Variants in ADAM10 observed in about 807,000 individuals in gnomAD.
ADAM10 encodes ADAM metallopeptidase domain 10, also known as disintegrin and metalloproteinase domain-containing protein 10.
A neutral mutation model predicts 90.1 loss-of-function variants in ADAM10; 17 were observed. That is an observed-to-expected ratio of 0.19 (90% CI 0.13 to 0.28). The LOEUF (loss-of-function observed/expected upper bound fraction) is 0.28. Among genes scored for constraint, ADAM10 ranks in the 10% least tolerant of loss-of-function variants. The pLI is 1.00. For synonymous variants in ADAM10, 310 were observed against 298.6 expected (o/e 1.04, Z -0.40); for missense variants, 610 against 914.3 (o/e 0.67, Z 4.29).
At chr15:58,729,343 T>C (rs1899146603) in intron 1 of ADAM10, among the ~76,000 whole-genome samples, 1 of 152,256 alleles carries the variant, frequency 6.6e-6, no homozygotes, top group Non-Finnish European at 1.5e-5. Context: ...GTTCCGTATC[T>C]AGCATTTTAC....
At chr15:58,681,091 G>T (rs1019537293) in intron 3 of ADAM10, among the ~76,000 whole-genome samples, 1 of 152,196 alleles carries the variant, frequency 6.6e-6, no homozygotes, top group Non-Finnish European at 1.5e-5. Flanking sequence ...GATTACAGGT[G>T]TAACTGCTAC....
At chr15:58,707,941 G>C (rs1352042085) in intron 2 of ADAM10, among the ~76,000 whole-genome samples, 1 of 152,040 alleles carries the variant, frequency 6.6e-6, no homozygotes, top group Non-Finnish European at 1.5e-5. Context: ...GCCAGGCGTG[G>C]TGGTGAGCAC....
chr15:58,659,123 AT>A (rs1306213138), intron 5 of ADAM10, among the ~76,000 whole-genome samples: 1 of 152,056 alleles, frequency 6.6e-6, no homozygotes, highest in African/African-American at 2.4e-5. Flanking sequence ...AAATACAAAA[AT>A]TAGGTGGGCG....
At chr15:58,699,904 G>C (rs950162071) in intron 2 of ADAM10, among the ~76,000 whole-genome samples, 2 of 152,138 alleles carry the variant, frequency 1.3e-5, no homozygotes, top group Admixed American at 6.5e-5. Flanking sequence ...AAAAGATAAA[G>C]ATTGGCTAAA....
chr15:58,645,292 C>T (rs538461015), intron 6 of ADAM10, among the ~76,000 whole-genome samples: 60 of 152,300 alleles, frequency 3.9e-4, no homozygotes, highest in African/African-American at 1.4e-3. Context: ...ACAAAATCTC[C>T]TACCTTATTA....
chr15:58,669,772 C>A (rs1897154137), intron 4 of ADAM10, among the ~76,000 whole-genome samples: 1 of 152,142 alleles, frequency 6.6e-6, no homozygotes, highest in African/African-American at 2.4e-5. Context: ...GGTATCCACA[C>A]AACAGACTAC....
intron 1 of ADAM10, among the ~76,000 whole-genome samples, chr15:58,726,601 C>T (rs1427910659): frequency 9.3e-6 from 1 of 107,772 alleles, no homozygotes; most frequent in Non-Finnish European, 1.9e-5. Context: ...AAGTATATTA[C>T]TCCCGAAAAA....
chr15:58,628,887 A>T (rs1330438743), intron 9 of ADAM10, among the ~76,000 whole-genome samples: 5 of 152,188 alleles, frequency 3.3e-5, no homozygotes, highest in African/African-American at 9.7e-5. Context: ...CTTCTGAGGC[A>T]ACTGTTAAAT....
At chr15:58,659,934 G>A (rs1358767102) in intron 5 of ADAM10, among the ~76,000 whole-genome samples, 2 of 152,138 alleles carry the variant, frequency 1.3e-5, no homozygotes, top group African/African-American at 4.8e-5. Flanking sequence ...GGGTTTCACT[G>A]TGTTAGGAAG....
At chr15:58,722,726 CTTTTT>C (rs71116592) in intron 1 of ADAM10, among the ~76,000 whole-genome samples, 1 of 104,002 alleles carries the variant, frequency 9.6e-6, no homozygotes, top group Non-Finnish European at 1.8e-5. Flanking sequence ...AATTTGAGAA[CTTTTT>C]TTTTTTTTTT....
chr15:58,697,012 G>A (rs1020028418), intron 2 of ADAM10, among the ~76,000 whole-genome samples: 33 of 152,166 alleles, frequency 2.2e-4, no homozygotes, highest in Admixed American at 1.5e-3. Flanking sequence ...ATCCCATGCT[G>A]CCCCCAAGCC....
chr15:58,695,140 T>G (rs1190792418), intron 2 of ADAM10, among the ~76,000 whole-genome samples: 1 of 152,192 alleles, frequency 6.6e-6, no homozygotes, highest in African/African-American at 2.4e-5. Flanking sequence ...TTGGCACCCT[T>G]TTAGTTTGAG....
intron 5 of ADAM10, among the ~76,000 whole-genome samples, chr15:58,659,899 T>G (rs1896927563): frequency 6.6e-6 from 1 of 152,180 alleles, no homozygotes; most frequent in Admixed American, 6.5e-5. Flanking sequence ...CAGCTAACTT[T>G]GGTTGTGGAT....
intron 10 of ADAM10, among the ~76,000 whole-genome samples, chr15:58,624,406 AT>A (rs1459829209): frequency 1.3e-5 from 2 of 152,368 alleles, no homozygotes; most frequent in South Asian, 2.1e-4. Flanking sequence ...CACGTAATTT[AT>A]AAGAAAACAA....
At position 58,620,814 on chromosome 15, in the gene ADAM10, G is replaced by A. The variant is rs1895760662; in HGVS notation, c.1511+657C>T. On this transcript the variant is annotated intron_variant, in intron 11 of 15. Coordinates refer to ENST00000260408, the MANE Select transcript of ADAM10 (RefSeq NM_001110.4). ...CTCCCGAGTAGCTGGGACTACAGGC[G>A]CCCGCCACCGCGCCCGGCTAATTTT... Among the ~76,000 whole-genome samples the A allele has an allele frequency of 2.3e-5, 2 of 86,478 alleles. 1 individual carries two copies. The highest frequency in any genetic ancestry group is 3.7e-5 in the Non-Finnish European group (2 of 53,408). The allele number at this position is 86,478 out of a possible 152,430, so 56.7% of individuals were successfully genotyped here.
At position 58,610,981 on chromosome 15, in the gene ADAM10, T is replaced by C. The variant is rs751217790; in HGVS notation, c.1804+18A>G. On this transcript the variant is annotated intron_variant, in intron 13 of 15. Transcript: ENST00000260408. ...GTTTGAGGCAAATTTTATACTCTTG[T>C]GTTTTTAAAAGCCTTACTTTTCTTC... 7 of 1,578,214 alleles carry C rather than the reference T, an allele frequency of 4.4e-6. No individual in the cohort carries two copies. The highest frequency in any genetic ancestry group is 3.3e-5 in the Admixed American group (2 of 59,960).
chr15:58,632,132 C>T (rs1045353147), intron 9 of ADAM10, among the ~76,000 whole-genome samples: 10 of 152,160 alleles, frequency 6.6e-5, no homozygotes, highest in African/African-American at 2.2e-4. Context: ...TTAATAAGCT[C>T]TACCAAAATC....
Position 58,592,790 on chromosome 15 carries a change from A to G in ADAM10, c.*4757T>C, listed in dbSNP as rs531590797. ...ATATATATTAAATCGTGGTAGTATAACTTGGTACATCTATCTGGGAGACAG... is the reference window on the plus strand; with the variant it reads ...ATATATATTAAATCGTGGTAGTATAGCTTGGTACATCTATCTGGGAGACAG... On this transcript the variant is annotated 3_prime_UTR_variant, in exon 16 of 16. Coordinates refer to ENST00000260408, the MANE Select transcript of ADAM10 (RefSeq NM_001110.4). 3 of 150,460 alleles carry G rather than the reference A, an allele frequency of 2.0e-5. No individual in the cohort carries two copies. The highest frequency in any genetic ancestry group is 4.8e-5 in the African/African-American group (2 of 41,264). 9.3% of individuals were successfully genotyped at this position (150,460 alleles called of 1,614,324 possible).
At position 58,665,190 on chromosome 15, in the gene ADAM10, G is replaced by A. The variant is rs1897051842; in HGVS notation, c.492C>T (p.Pro164=). The A allele has an allele frequency of 6.2e-7, 1 of 1,607,768 alleles. No individual in the cohort carries two copies. The highest frequency in any genetic ancestry group is 2.2e-5 in the East Asian group (1 of 44,794). Reference sequence around the variant, plus strand: ...AGCCCCCCTGAGGACCGTATTTATGGGGATAGTCTAAAATACAAAGAAGAA... The same window carrying A: ...AGCCCCCCTGAGGACCGTATTTATGAGGATAGTCTAAAATACAAAGAAGAA... ...VIYHEDDINY[P]HKYGPQGGCA... Residue 164 remains proline (P), a synonymous_variant, in exon 5 of 16, where the codon CCC becomes CCT. Transcript: ENST00000260408.
Sources: gnomAD v4.1 joint callset for allele counts (sites outside exome capture counted in the v4.1 genomes callset) on GRCh38, gnomAD v4.1.1 for gene constraint, MANE v1.5 for transcripts, NCBI Gene and HGNC (gene_info 2026-07-23, HGNC 2026-07-21) for gene names.